Variants in FOCAD observed in about 807,000 individuals in gnomAD.
FOCAD encodes the protein KIAA1797.
FOCAD carries 198 observed loss-of-function variants against 225.6 expected under a neutral mutation model. The ratio of observed to expected loss-of-function variants is 0.88; its 90% CI spans 0.78 to 0.99. The LOEUF (loss-of-function observed/expected upper bound fraction) is 0.99, where lower values mean the gene tolerates loss of function less well. Ranked by LOEUF, FOCAD falls within the 50% of genes least tolerant of loss-of-function variation. FOCAD has a pLI of 0.00. For synonymous variants in FOCAD, 897 were observed against 755.0 expected (o/e 1.19, Z -3.08); for missense variants, 2,713 against 2,123.6 (o/e 1.28, Z -5.46).
intron 5 of FOCAD, among the ~76,000 whole-genome samples, chr9:20,741,088 A>G (rs1005216859): frequency 1.3e-5 from 2 of 152,294 alleles, no homozygotes; most frequent in African/African-American, 4.8e-5. Context: ...CTTCAAAAGA[A>G]TGACAGCATG....
intron 10 of FOCAD, 97 bp downstream of exon 10, chr9:20,782,026 A>C: frequency 9.7e-7 from 1 of 1,028,384 alleles, no homozygotes; most frequent in Non-Finnish European, 1.5e-6. Context: ...TCTGTTTGTT[A>C]TCAGACTTCA....
At chr9:20,946,638 C>G in intron 29 of FOCAD, 63 bp from the exon 30 acceptor site, 1 of 1,550,134 alleles carries the variant, frequency 6.5e-7, no homozygotes, top group Non-Finnish European at 8.7e-7. Flanking sequence ...ATCTTGTCAA[C>G]TAAACCGAGT....
intron 6 of FOCAD, among the ~76,000 whole-genome samples, chr9:20,763,872 G>C (rs1829830983): frequency 6.6e-6 from 1 of 152,088 alleles, no homozygotes; most frequent in African/African-American, 2.4e-5. Flanking sequence ...AGTGAATTTG[G>C]ACTAGGAGTT....
At chr9:20,705,278 T>C (rs986808350) in intron 1 of FOCAD, among the ~76,000 whole-genome samples, 5 of 152,248 alleles carry the variant, frequency 3.3e-5, no homozygotes, top group Non-Finnish European at 7.3e-5. Context: ...TAGACATTCC[T>C]GTTTCATCTA....
intron 18 of FOCAD, among the ~76,000 whole-genome samples, chr9:20,872,498 C>T (rs932983504): frequency 1.4e-5 from 2 of 147,890 alleles, no homozygotes; most frequent in African/African-American, 5.0e-5. Context: ...CCCCACCCCC[C>T]CTTACTCTTT....
intron 15 of FOCAD, among the ~76,000 whole-genome samples, chr9:20,837,036 C>G (rs1344967574): frequency 1.3e-5 from 2 of 152,010 alleles, no homozygotes; most frequent in Admixed American, 1.3e-4. Flanking sequence ...GCTCTCTGCC[C>G]TTTAGTATTC....
rs1831001263 is a variant in FOCAD, at chr9:20,885,120, T to G, written c.2515T>G (p.Phe839Val). 6.8e-7 allele frequency: 1 copy of G among 1,464,014 alleles called. No homozygotes were observed. 90.7% of individuals were successfully genotyped at this position (1,464,014 alleles called of 1,614,324 possible). Residue 839 changes from phenylalanine to valine, a missense_variant, in exon 21 of 44, where the codon TTT becomes GTT. Phe to Val is a conservative substitution (Grantham distance 50, BLOSUM62 -1). Transcript: ENST00000338382. ...LKPGLAGGML[F>V]CYDVSMYQSK... The stretch of plus-strand genomic sequence containing the variant: ...AATTTTTTTTAAAGGTGGTATGTTA[T>G]TTTGCTATGATGTTTCCATGTATCA...
At position 20,992,106 on chromosome 9, in the gene FOCAD, C is replaced by T. The variant is rs577041243; in HGVS notation, c.5257-1147C>T. On this transcript the variant is annotated intron_variant, in intron 42 of 43. Coordinates refer to ENST00000338382, the MANE Select transcript of FOCAD (RefSeq NM_001375567.1). ...TATGTGAAACTAAAATGCCTATTAC[C>T]TATCACCAATGTATGTGTTTTTAGT... Among the ~76,000 whole-genome samples the T allele has an allele frequency of 3.3e-5, 5 of 152,264 alleles. No homozygotes were observed. In the South Asian group the frequency reaches 1.0e-3, roughly 32 times the overall value.
chr9:20,708,397 T>A (rs1040285157), intron 1 of FOCAD, among the ~76,000 whole-genome samples: 1 of 152,170 alleles, frequency 6.6e-6, no homozygotes, highest in South Asian at 2.1e-4. Context: ...CCCATTAATG[T>A]GAATGAAGTA....
intron 23 of FOCAD, among the ~76,000 whole-genome samples, chr9:20,915,858 A>T (rs1833825313): frequency 6.6e-6 from 1 of 152,206 alleles, no homozygotes. Flanking sequence ...AAGTATACAT[A>T]GGTCATCATT....
At position 20,949,651 on chromosome 9, in the gene FOCAD, T is replaced by A; in HGVS notation, c.3924T>A (p.Asn1308Lys). 6.2e-7 allele frequency: 1 copy of A among 1,613,102 alleles called. No individual in the cohort carries two copies. The highest frequency in any genetic ancestry group is 8.5e-7 in the Non-Finnish European group (1 of 1,179,328). ...CCTCTCATTTTCAAGGCAGACTTAA[T>A]GAAGTCATTAGAACCTTAACTCAGG... ...IQTSHFQGRL[N>K]EVIRTLTQVI... is the part of the protein sequence containing the mutation. The change falls in exon 33 of 44, where the codon AAT becomes AAA. Residue 1308 changes from asparagine to lysine, a missense_variant. Physicochemically the swap from Asn to Lys is moderately conservative, Grantham distance 94. Coordinates refer to ENST00000338382, the MANE Select transcript of FOCAD (RefSeq NM_001375567.1).
rs565646790 is a variant in FOCAD, at chr9:20,843,614, T to A, written c.1921-18964T>A. ...TTGATTAAAGCTGCTTGGTGTTCCA[T>A]AACCTTTGTGTACTTGAATATTGAT... On this transcript the variant is annotated intron_variant, in intron 15 of 43. Transcript: ENST00000338382. Among the ~76,000 whole-genome samples, 10 of 152,262 alleles carry A rather than the reference T, an allele frequency of 6.6e-5. No individual in the cohort carries two copies. The South Asian group carries it at 2.1e-3, about 32-fold the overall frequency.
At chr9:20,779,667 C>G (rs1038602193) in intron 9 of FOCAD, among the ~76,000 whole-genome samples, 1 of 151,896 alleles carries the variant, frequency 6.6e-6, no homozygotes, top group Non-Finnish European at 1.5e-5. Flanking sequence ...GGATAATCAC[C>G]TGAACCCCGG....
Position 20,733,449 on chromosome 9 carries a change from G to A in FOCAD, c.288-6787G>A, listed in dbSNP as rs533608084. ...TACACATGTGCCATGCTGGTGTGCT[G>A]CACCCATTAACTCCTCTTTTAGCAT... is the stretch of plus-strand genomic sequence containing the variant. On this transcript the variant is annotated intron_variant, in intron 4 of 43. Transcript: ENST00000338382. Among the ~76,000 whole-genome samples the A allele has an allele frequency of 3.3e-5, 5 of 152,092 alleles. No individual in the cohort carries two copies. In the South Asian group the frequency reaches 1.0e-3, roughly 32 times the overall value.
chr9:20,773,460 C>T (rs1818436632), intron 8 of FOCAD, among the ~76,000 whole-genome samples: 1 of 152,126 alleles, frequency 6.6e-6, no homozygotes, highest in Non-Finnish European at 1.5e-5. Flanking sequence ...TGATTTTTAT[C>T]ATTTATTTTG....
chr9:20,799,957 A>G (rs1255261891), intron 11 of FOCAD, among the ~76,000 whole-genome samples: 1 of 152,032 alleles, frequency 6.6e-6, no homozygotes, highest in Non-Finnish European at 1.5e-5. Flanking sequence ...GATCTTTACA[A>G]TTTGGCATGT....
intron 27 of FOCAD, 125 bp from the exon 28 acceptor site, chr9:20,932,889 A>C (rs932445977): frequency 1.7e-4 from 116 of 669,894 alleles, no homozygotes; most frequent in Middle Eastern, 5.9e-4. Flanking sequence ...CAATATTGTC[A>C]CTTTTTTTTT....
At chr9:20,872,176 G>C (rs1587464374) in intron 18 of FOCAD, among the ~76,000 whole-genome samples, 1 of 152,060 alleles carries the variant, frequency 6.6e-6, no homozygotes, top group South Asian at 2.1e-4. Flanking sequence ...CTGCATAGAA[G>C]ATAAATTAAT....
At chr9:20,660,579 G>C (rs1821685758) in intron 2 of FOCAD, among the ~76,000 whole-genome samples, 1 of 152,168 alleles carries the variant, frequency 6.6e-6, no homozygotes, top group African/African-American at 2.4e-5. Context: ...AATATGTAGA[G>C]ATCAGCAGAA....
Sources: gnomAD v4.1 joint callset for allele counts (sites outside exome capture counted in the v4.1 genomes callset) on GRCh38, gnomAD v4.1.1 for gene constraint, MANE v1.5 for transcripts, NCBI Gene and HGNC (gene_info 2026-07-23, HGNC 2026-07-21) for gene names.